Variants in CSMD1 observed in about 807,000 individuals in gnomAD.
CSMD1 encodes the protein CUB and sushi domain-containing protein 1.
A neutral mutation model predicts 417.5 loss-of-function variants in CSMD1; 213 were observed. The observed-to-expected ratio is 0.51, with a 90% confidence interval of 0.46 to 0.57. The LOEUF (loss-of-function observed/expected upper bound fraction) is 0.57, where lower values mean the gene tolerates loss of function less well. Among genes scored for constraint, CSMD1 ranks in the 20% least tolerant of loss-of-function variants. The pLI is 0.00. For synonymous variants in CSMD1, 2,862 were observed against 1,736.8 expected (o/e 1.65, Z -16.11); for missense variants, 6,923 against 4,529.7 (o/e 1.53, Z -15.17).
chr8:4,381,186 G>C (rs113330149), intron 3 of CSMD1, among the ~76,000 whole-genome samples: 2 of 152,100 alleles, frequency 1.3e-5, no homozygotes, highest in African/African-American at 4.8e-5. Context: ...AGTTCTCTAC[G>C]GTACTGATAA....
chr8:3,294,338 G>T (rs143519300), intron 25 of CSMD1, among the ~76,000 whole-genome samples: 7 of 152,200 alleles, frequency 4.6e-5, no homozygotes, highest in African/African-American at 1.7e-4. Context: ...GATCCACTAC[G>T]CTCTTCAAAG....
intron 1 of CSMD1, among the ~76,000 whole-genome samples, chr8:4,757,567 C>T (rs1676955): frequency 4.1e-4 from 63 of 152,252 alleles, no homozygotes; most frequent in African/African-American, 1.5e-3. Context: ...TCTGGATAGG[C>T]TAAGTCTGAG....
chr8:3,904,277 A>C (rs1257481645), intron 5 of CSMD1, among the ~76,000 whole-genome samples: 1 of 152,202 alleles, frequency 6.6e-6, no homozygotes. Context: ...AACAAATCAT[A>C]GGTTCTTCCT....
At chr8:3,935,237 A>G (rs1810404064) in intron 5 of CSMD1, among the ~76,000 whole-genome samples, 1 of 152,204 alleles carries the variant, frequency 6.6e-6, no homozygotes, top group South Asian at 2.1e-4. Flanking sequence ...CGTTCTTAAA[A>G]TGTAGAAGAA....
intron 8 of CSMD1, among the ~76,000 whole-genome samples, chr8:3,603,510 G>A (rs904452704): frequency 1.3e-5 from 2 of 152,064 alleles, no homozygotes; most frequent in African/African-American, 4.8e-5. Context: ...CTAGACAAGA[G>A]AGTAAAAATC....
At chr8:4,594,317 T>C (rs1025405295) in intron 2 of CSMD1, among the ~76,000 whole-genome samples, 12 of 150,834 alleles carry the variant, frequency 8.0e-5, no homozygotes, top group African/African-American at 2.9e-4. Context: ...GATTCTCCTG[T>C]CTTAGCCTCT....
intron 38 of CSMD1, among the ~76,000 whole-genome samples, chr8:3,161,323 T>C (rs1365590188): frequency 6.6e-6 from 1 of 152,020 alleles, no homozygotes; most frequent in Non-Finnish European, 1.5e-5. Flanking sequence ...AACTTTTATA[T>C]AAAAAACTCT....
chr8:3,067,158 G>C (rs1388536527), intron 49 of CSMD1, among the ~76,000 whole-genome samples: 1 of 152,122 alleles, frequency 6.6e-6, no homozygotes, highest in African/African-American at 2.4e-5. Flanking sequence ...CGACCTGTCT[G>C]AGAGTGTCAG....
chr8:4,937,122 A>T (rs1019766259), intron 1 of CSMD1, among the ~76,000 whole-genome samples: 2 of 152,306 alleles, frequency 1.3e-5, no homozygotes, highest in Middle Eastern at 6.8e-3. Context: ...CTGAAGGTGG[A>T]GGACTGCTTG....
At chr8:4,646,799 C>G (rs1439609774) in intron 1 of CSMD1, among the ~76,000 whole-genome samples, 1 of 152,154 alleles carries the variant, frequency 6.6e-6, no homozygotes, top group Non-Finnish European at 1.5e-5. Context: ...CTAATACAAG[C>G]TCTCTAAGAG....
intron 1 of CSMD1, among the ~76,000 whole-genome samples, chr8:4,940,522 T>C (rs1807925248): frequency 6.6e-6 from 1 of 152,228 alleles, no homozygotes; most frequent in Admixed American, 6.5e-5. Context: ...GAATTAGCTT[T>C]GCAGAAATCA....
At chr8:3,804,031 G>A (rs1048183370) in intron 5 of CSMD1, among the ~76,000 whole-genome samples, 8 of 152,046 alleles carry the variant, frequency 5.3e-5, no homozygotes, top group Admixed American at 5.2e-4. Context: ...GAGTTCAAGC[G>A]ATTCTTCTTC....
chr8:4,386,919 G>A (rs763306546), intron 3 of CSMD1, among the ~76,000 whole-genome samples: 8 of 152,166 alleles, frequency 5.3e-5, no homozygotes, highest in Non-Finnish European at 8.8e-5. Flanking sequence ...GAAACTTCGA[G>A]GCAGATAATA....
chr8:4,388,129 T>C (rs1259554684), intron 3 of CSMD1, among the ~76,000 whole-genome samples: 1 of 152,124 alleles, frequency 6.6e-6, no homozygotes, highest in East Asian at 1.9e-4. Context: ...CTAAATGTAA[T>C]TATTTAAAAA....
intron 24 of CSMD1, 46 bp downstream of exon 24, chr8:3,308,266 C>T (rs17079859): frequency 8.5e-5 from 127 of 1,494,726 alleles, no homozygotes; most frequent in East Asian, 2.3e-5. Flanking sequence ...TGCAAGCACC[C>T]TAAGGCCTGG....
rs556701981 is a variant in CSMD1 at position 3,968,138 on chromosome 8, G to A, written c.818+29765C>T. 1.3e-3 allele frequency among the ~76,000 whole-genome samples: 195 copies of A among 151,946 alleles called. 1 individual carries two copies. Among genetic ancestry groups the A allele is most frequent in the African/African-American group, 4.4e-3 (181 of 41,422 alleles). ...GGAGGCAGAGCTTGCAGTGAGCCGA[G>A]ATCGACCCACTGCACTCCAGCCTGG... is the stretch of plus-strand genomic sequence containing the variant. On this transcript the variant is annotated intron_variant, in intron 5 of 69. Transcript: ENST00000635120.
At chr8:4,470,314 A>C (rs191724143) in intron 2 of CSMD1, among the ~76,000 whole-genome samples, 28 of 152,166 alleles carry the variant, frequency 1.8e-4, no homozygotes, top group African/African-American at 6.7e-4. Context: ...ATTTCATGCT[A>C]GTTTCTACAA....
chr8:3,078,607 A>G (rs1222504610), intron 49 of CSMD1, among the ~76,000 whole-genome samples: 1 of 152,210 alleles, frequency 6.6e-6, no homozygotes, highest in East Asian at 1.9e-4. Context: ...CAAGCTAAAA[A>G]TGGCTTTTAC....
chr8:4,705,080 T>C (rs577022136), intron 1 of CSMD1, among the ~76,000 whole-genome samples: 1 of 152,270 alleles, frequency 6.6e-6, no homozygotes, highest in African/African-American at 2.4e-5. Context: ...TCAGATATGA[T>C]GGTTTTATAA....
Sources: allele counts gnomAD v4.1 joint callset (sites outside exome capture counted in the v4.1 genomes callset), GRCh38; gene constraint gnomAD v4.1.1; transcripts MANE v1.5; gene names NCBI Gene and HGNC (gene_info 2026-07-23, HGNC 2026-07-21).